The following TPRG1 variants were observed in gnomAD, a reference collection of about 807,000 sequenced individuals.
TPRG1 encodes the protein tumor protein p63-regulated gene 1 protein.
TPRG1 carries 29 observed loss-of-function variants against 29.3 expected under a neutral mutation model. The observed-to-expected ratio is 0.99, with a 90% CI of 0.74 to 1.35. TPRG1 has a LOEUF of 1.35. TPRG1 is among the 40% of genes most tolerant of loss of function. The pLI is 0.00. For missense variants in TPRG1, 327 were observed against 335.0 expected, an observed-to-expected ratio of 0.98 and a Z score of 0.19; for synonymous variants, 130 against 116.8, an observed-to-expected ratio of 1.11 and a Z score of -0.73.
chr3:189,034,492 A>T (rs1375982888), intron 4 of TPRG1, among the ~76,000 whole-genome samples: 8 of 152,234 alleles, frequency 5.3e-5, no homozygotes, highest in African/African-American at 1.7e-4. Context: ...TATATTGGCA[A>T]CATAAACAAT....
chr3:189,249,986 G>A (rs756105607), intron 4 of TPRG1, among the ~76,000 whole-genome samples: 6 of 152,034 alleles, frequency 3.9e-5, no homozygotes, highest in Non-Finnish European at 7.4e-5. Flanking sequence ...TTGCATATTT[G>A]TATCATTCCC....
chr3:189,272,384 G>C (rs1227067484), intron 4 of TPRG1, among the ~76,000 whole-genome samples: 1 of 152,168 alleles, frequency 6.6e-6, no homozygotes, highest in Non-Finnish European at 1.5e-5. Context: ...GTTTCCTTTT[G>C]AGGCCTCAGT....
intron 2 of TPRG1, among the ~76,000 whole-genome samples, chr3:189,207,992 T>A (rs562831977): frequency 6.6e-6 from 1 of 152,078 alleles, no homozygotes; most frequent in Non-Finnish European, 1.5e-5. Context: ...GTGGAGAGGG[T>A]TGCTAAGATC....
At chr3:189,315,638 G>A (rs889810770) in intron 5 of TPRG1, 4 of 365,708 alleles carry the variant, frequency 1.1e-5, no homozygotes, top group Admixed American at 6.8e-5. Flanking sequence ...ATCTTTTCAA[G>A]GGGATCATGT....
At chr3:189,175,500 G>A (rs17420443) in intron 1 of TPRG1, among the ~76,000 whole-genome samples, 17,845 of 152,206 alleles carry the variant, frequency 0.12, 1,285 homozygotes, top group African/African-American at 0.19. Flanking sequence ...GTCTTTGATG[G>A]GCATTACGGC....
chr3:189,155,787 G>T (rs1330992717), intron 5 of TPRG1, among the ~76,000 whole-genome samples: 1 of 152,174 alleles, frequency 6.6e-6, no homozygotes, highest in Non-Finnish European at 1.5e-5. Context: ...TGAAGATATT[G>T]AACTCATAGA....
upstream of TPRG1, among the ~76,000 whole-genome samples, chr3:189,169,616 G>C (rs952515074): frequency 2.6e-5 from 4 of 152,216 alleles, no homozygotes; most frequent in African/African-American, 9.6e-5. Context: ...CCTTTGCTAT[G>C]CCTGGAAATA....
intron 5 of TPRG1, among the ~76,000 whole-genome samples, chr3:189,158,043 C>A (rs893540961): frequency 4.6e-5 from 7 of 152,116 alleles, no homozygotes; most frequent in African/African-American, 1.7e-4. Context: ...TTGCTTCTCA[C>A]GGGGAGCACG....
At chr3:189,188,853 A>G (rs989139987) in intron 1 of TPRG1, among the ~76,000 whole-genome samples, 1 of 152,208 alleles carries the variant, frequency 6.6e-6, no homozygotes, top group Non-Finnish European at 1.5e-5. Context: ...TGGGCAGATA[A>G]AAGTCATTGA....
chr3:189,107,926 T>C (rs937469331), intron 1 of TPRG1, among the ~76,000 whole-genome samples: 2 of 152,062 alleles, frequency 1.3e-5, no homozygotes, highest in South Asian at 4.1e-4. Flanking sequence ...TGAAAAAAAA[T>C]TGCATAGAAT....
chr3:189,302,228 G>T (rs1030132052), intron 4 of TPRG1, among the ~76,000 whole-genome samples: 5 of 152,076 alleles, frequency 3.3e-5, no homozygotes, highest in Admixed American at 2.6e-4. Context: ...TATCTTTCGA[G>T]GTCCTTGCAT....
intron 1 of TPRG1, among the ~76,000 whole-genome samples, chr3:189,102,969 C>G (rs542464552): frequency 6.6e-6 from 1 of 152,170 alleles, no homozygotes; most frequent in Non-Finnish European, 1.5e-5. Context: ...CTTGTCTCAG[C>G]TCAGGTGTCA....
upstream of TPRG1, among the ~76,000 whole-genome samples, chr3:189,096,996 T>G (rs1054095988): frequency 3.3e-5 from 5 of 152,190 alleles, no homozygotes; most frequent in Admixed American, 1.3e-4. Context: ...AATGAACATT[T>G]TGTACTCAGT....
intron 4 of TPRG1, among the ~76,000 whole-genome samples, chr3:189,094,588 G>A (rs1316135062): frequency 6.6e-6 from 1 of 152,102 alleles, no homozygotes; most frequent in African/African-American, 2.4e-5. Flanking sequence ...CACAGACTCC[G>A]GCTTGCATCT....
chr3:189,274,636 T>C (rs1715788564), intron 4 of TPRG1, among the ~76,000 whole-genome samples: 1 of 152,150 alleles, frequency 6.6e-6, no homozygotes, highest in African/African-American at 2.4e-5. Flanking sequence ...TAATGTACTT[T>C]CAGTAAACTT....
At chr3:189,150,366 A>G (rs187276275) in intron 4 of TPRG1, among the ~76,000 whole-genome samples, 18 of 152,286 alleles carry the variant, frequency 1.2e-4, no homozygotes, top group Non-Finnish European at 2.9e-5. Flanking sequence ...TATTTTTAGT[A>G]GAGGCGGGGT....
At chr3:189,213,217 C>G (rs1037176953) in intron 2 of TPRG1, among the ~76,000 whole-genome samples, 1 of 151,948 alleles carries the variant, frequency 6.6e-6, no homozygotes, top group Non-Finnish European at 1.5e-5. Flanking sequence ...TGTTTTGTAG[C>G]ATGACTCAGT....
intron 4 of TPRG1, among the ~76,000 whole-genome samples, chr3:189,278,736 AAAGCACTGT>A (rs1255363473): frequency 6.6e-6 from 1 of 152,166 alleles, no homozygotes. Flanking sequence ...TCTCACATTC[AAAGCACTGT>A]AATCCAGGTG....
At chr3:189,301,093 C>T (rs1451295000) in intron 4 of TPRG1, among the ~76,000 whole-genome samples, 1 of 151,692 alleles carries the variant, frequency 6.6e-6, no homozygotes, top group African/African-American at 2.4e-5. Flanking sequence ...GTTGGGAGAT[C>T]GAGACTATCC....
Sources: gnomAD v4.1 joint callset for allele counts (sites outside exome capture counted in the v4.1 genomes callset) on GRCh38, gnomAD v4.1.1 for gene constraint, MANE v1.5 for transcripts, NCBI Gene and HGNC (gene_info 2026-07-23, HGNC 2026-07-21) for gene names.